The following UNC13C variants were observed in gnomAD, a reference collection of about 807,000 sequenced individuals.
UNC13C encodes the protein unc-13 homolog C, also known as protein unc-13 homolog C.
Under a neutral mutation model 245.4 loss-of-function variants are expected in UNC13C, and 174 were observed. The ratio of observed to expected loss-of-function variants is 0.71; its 90% CI spans 0.63 to 0.80. The LOEUF is 0.80. UNC13C is among the 30% of genes least tolerant of loss of function. The pLI, the probability that UNC13C is intolerant of heterozygous loss-of-function variation, is 0.00. For missense variants in UNC13C, 2,829 were observed against 2,602.9 expected (o/e 1.09, Z -1.89); for synonymous variants, 992 against 895.1 (o/e 1.11, Z -1.93).
rs1201925260 is a variant in UNC13C at position 54,013,332 on chromosome 15, A to G, written c.429A>G (p.Gln143=). 4.3e-6 allele frequency: 7 copies of G among 1,613,782 alleles called. No homozygotes were observed. In the African/African-American group the frequency reaches 5.3e-5, roughly 12 times the overall value. The part of the protein sequence containing the change: ...ELRSSTENQA[Q]STHTMPVRRN... ...GGAGTAGCACAGAAAACCAGGCACA[A>G]TCAACACACACAATGCCAGTTAGAC... Residue 143 remains glutamine, a synonymous_variant, in exon 2 of 33, where the codon CAA becomes CAG. Coordinates refer to ENST00000260323, the MANE Select transcript of UNC13C (RefSeq NM_001080534.3).
chr15:54,403,503 C>G (rs496823), intron 18 of UNC13C, among the ~76,000 whole-genome samples: 1 of 151,946 alleles, frequency 6.6e-6, no homozygotes, highest in Non-Finnish European at 1.5e-5. Flanking sequence ...AGGAGGATTT[C>G]TTGAGGCCAG....
chr15:54,208,748 GA>G (rs1360061652), intron 4 of UNC13C, among the ~76,000 whole-genome samples: 1 of 152,056 alleles, frequency 6.6e-6, no homozygotes, highest in Admixed American at 6.6e-5. Context: ...AAGTCTCATT[GA>G]AAAGATGAGT....
chr15:54,079,193 A>T (rs7173330), intron 2 of UNC13C, among the ~76,000 whole-genome samples: 30,089 of 151,978 alleles, frequency 0.2, 3,122 homozygotes, highest in Admixed American at 0.29. Context: ...TACTTGTACG[A>T]TGTTCCTTTG....
intron 2 of UNC13C, among the ~76,000 whole-genome samples, chr15:54,023,519 C>G (rs897037769): frequency 6.6e-6 from 1 of 152,078 alleles, no homozygotes; most frequent in Non-Finnish European, 1.5e-5. Flanking sequence ...ATGCTAGTCA[C>G]TTGAAAAGAT....
At chr15:53,920,906 T>C in the UNC13C span, among the ~76,000 whole-genome samples, 1 of 151,282 alleles carries the variant, frequency 6.6e-6, no homozygotes, top group Non-Finnish European at 1.5e-5. Flanking sequence ...ATCACACTTC[T>C]ATTAATAGCC....
At chr15:54,113,929 T>C (rs1330670797) in intron 2 of UNC13C, among the ~76,000 whole-genome samples, 1 of 152,190 alleles carries the variant, frequency 6.6e-6, no homozygotes, top group Non-Finnish European at 1.5e-5. Context: ...AAGTGGCTCC[T>C]ATAAAGGTTA....
chr15:54,084,685 CATGCAGAAT>C (rs1022440651), intron 2 of UNC13C, among the ~76,000 whole-genome samples: 3 of 152,120 alleles, frequency 2.0e-5, no homozygotes, highest in African/African-American at 7.2e-5. Flanking sequence ...TACATAAAAA[CATGCAGAAT>C]ATTCAGGTCA....
intron 2 of UNC13C, among the ~76,000 whole-genome samples, chr15:54,142,204 A>G (rs1294716905): frequency 1.3e-5 from 2 of 152,196 alleles, no homozygotes; most frequent in Non-Finnish European, 2.9e-5. Flanking sequence ...GCAGTAGTCC[A>G]TTCTCCATCT....
chr15:54,468,394 C>A (rs12439435), intron 19 of UNC13C, among the ~76,000 whole-genome samples: 41,704 of 151,414 alleles, frequency 0.28, 6,135 homozygotes, highest in East Asian at 0.52. Context: ...TATTGTCTCC[C>A]AATCCATGGG....
intron 4 of UNC13C, among the ~76,000 whole-genome samples, chr15:54,210,524 T>C (rs1387349416): frequency 2.6e-5 from 4 of 152,120 alleles, no homozygotes; most frequent in Non-Finnish European, 5.9e-5. Context: ...TTATATATTT[T>C]GGTTATATGA....
At chr15:54,368,082 G>T (rs1386579043) in intron 17 of UNC13C, among the ~76,000 whole-genome samples, 1 of 152,000 alleles carries the variant, frequency 6.6e-6, no homozygotes, top group Non-Finnish European at 1.5e-5. Flanking sequence ...CTTAAATTTT[G>T]CACTCAAGGA....
rs1208211180 is a variant in UNC13C at position 54,300,083 on chromosome 15, TG to T, written c.4105-126del. On this transcript the variant is annotated intron_variant, in intron 12 of 32. Transcript: ENST00000260323. ...GAATAAAAATTCAAGATATTCCTAT[TG>T]CTTGCAGATGCTGATGAAACATTAG... The T allele has an allele frequency of 6.3e-6, 5 of 790,362 alleles. No homozygotes were observed. The African/African-American group carries it at 7.0e-5, about 11-fold the overall frequency. 49.0% of individuals were successfully genotyped at this position (790,362 alleles called of 1,614,324 possible). A position where few individuals can be genotyped will look rare whatever the true frequency, so the allele number is the denominator to read the frequency against.
intron 2 of UNC13C, among the ~76,000 whole-genome samples, chr15:54,090,424 C>T (rs988979111): frequency 4.6e-5 from 7 of 152,130 alleles, no homozygotes; most frequent in African/African-American, 1.7e-4. Flanking sequence ...AATCATGCTA[C>T]TAAATACTTA....
chr15:54,631,029 G>A (rs1404056512), downstream of UNC13C: 1 of 152,038 alleles, frequency 6.6e-6, no homozygotes, highest in Non-Finnish European at 1.5e-5. Flanking sequence ...TGAAAATAAA[G>A]TAATGCTTAG....
chr15:54,305,296 C>T (rs1164766112), intron 13 of UNC13C, among the ~76,000 whole-genome samples: 8 of 151,942 alleles, frequency 5.3e-5, no homozygotes, highest in Admixed American at 5.3e-4. Flanking sequence ...GTCTATGTCA[C>T]CATTTATGCT....
intron 30 of UNC13C, among the ~76,000 whole-genome samples, chr15:54,574,322 G>GT (rs1370611727): frequency 3.9e-5 from 6 of 152,002 alleles, no homozygotes; most frequent in South Asian, 2.1e-4. Context: ...TCTTATTGCT[G>GT]TTTTTTCTCA....
At chr15:54,512,046 T>C (rs1228236465) in intron 24 of UNC13C, among the ~76,000 whole-genome samples, 1 of 152,190 alleles carries the variant, frequency 6.6e-6, no homozygotes, top group Non-Finnish European at 1.5e-5. Flanking sequence ...AGGCAGAAGA[T>C]AGTAGCCTTT....
chr15:54,290,578 C>T (rs1438526248), intron 10 of UNC13C, among the ~76,000 whole-genome samples: 2 of 151,978 alleles, frequency 1.3e-5, no homozygotes, highest in African/African-American at 2.4e-5. Flanking sequence ...TTGTCTCTCC[C>T]TCCTTTTTCT....
At chr15:53,935,536 G>T in the UNC13C span, among the ~76,000 whole-genome samples, 1 of 152,170 alleles carries the variant, frequency 6.6e-6, no homozygotes, top group Non-Finnish European at 1.5e-5. Context: ...GGCCAAGATG[G>T]CCTATTTGGA....
Sources: gnomAD v4.1 joint callset for allele counts (sites outside exome capture counted in the v4.1 genomes callset) on GRCh38, gnomAD v4.1.1 for gene constraint, MANE v1.5 for transcripts, NCBI Gene and HGNC (gene_info 2026-07-23, HGNC 2026-07-21) for gene names.